The following WWOX variants were observed in gnomAD, a reference collection of about 807,000 sequenced individuals.
WWOX encodes WW domain containing oxidoreductase.
In WWOX, 69 loss-of-function variants were observed where a neutral mutation model predicts 46.2. The observed-to-expected ratio is 1.49, with a 90% CI of 1.23 to 1.82. The LOEUF (loss-of-function observed/expected upper bound fraction) is 1.82, where lower values mean the gene tolerates loss of function less well. Among genes scored for constraint, WWOX ranks in the 40% most tolerant of loss-of-function variants. The probability of loss-of-function intolerance (pLI) is 0.00; values close to 1 mark genes in which losing one functional copy is unlikely to be tolerated. For missense variants in WWOX, 919 were observed against 542.6 expected (o/e 1.69, Z -6.89); for synonymous variants, 359 against 202.6 (o/e 1.77, Z -6.56).
intron 8 of WWOX, among the ~76,000 whole-genome samples, chr16:78,460,036 G>C (rs1041228598): frequency 1.4e-5 from 2 of 147,566 alleles, no homozygotes; most frequent in Admixed American, 6.8e-5. Context: ...TGAACTCCTG[G>C]GCTCAAGCAA....
At chr16:78,657,564 C>G (rs1230334489) in intron 8 of WWOX, among the ~76,000 whole-genome samples, 3 of 152,176 alleles carry the variant, frequency 2.0e-5, no homozygotes, top group Non-Finnish European at 2.9e-5. Context: ...AGACGTGACC[C>G]TGGCCGGGAC....
chr16:78,113,538 G>A (rs1056781925), intron 3 of WWOX, among the ~76,000 whole-genome samples: 1 of 152,160 alleles, frequency 6.6e-6, no homozygotes, highest in Non-Finnish European at 1.5e-5. Context: ...CAAGGGCTTT[G>A]GGGGGAACCT....
intron 8 of WWOX, among the ~76,000 whole-genome samples, chr16:78,965,499 A>T (rs1567443886): frequency 6.6e-6 from 1 of 151,812 alleles, no homozygotes; most frequent in Non-Finnish European, 1.5e-5. Context: ...GAACCCGGAA[A>T]GTAGCGGTTG....
chr16:79,106,067 C>G lies in WWOX; in HGVS notation c.1057-105541C>G, dbSNP rs916115527. 4.6e-5 allele frequency: 7 copies of G among 152,112 alleles called. No individual in the cohort carries two copies. The East Asian group carries it at 1.4e-3, about 29-fold the overall frequency. 9.4% of individuals were successfully genotyped at this position (152,112 alleles called of 1,614,324 possible). The stretch of plus-strand genomic sequence containing the variant: ...ATGCTTTTCAGTAATAAGTTCGAAG[C>G]CAAGTTCCTGGATCAGCAGCATCAG... On this transcript the variant is annotated intron_variant, in intron 8 of 8. Transcript: ENST00000566780.
chr16:78,524,246 G>C (rs1029395253), intron 8 of WWOX, among the ~76,000 whole-genome samples: 3 of 152,110 alleles, frequency 2.0e-5, no homozygotes, highest in African/African-American at 7.2e-5. Context: ...GTCATGGTGT[G>C]ACTAATATTA....
intron 8 of WWOX, among the ~76,000 whole-genome samples, chr16:78,627,844 G>T (rs1298043138): frequency 6.6e-6 from 1 of 152,236 alleles, no homozygotes; most frequent in Non-Finnish European, 1.5e-5. Flanking sequence ...GACTTAGACA[G>T]TGTTAGTCAA....
At chr16:78,403,673 C>G (rs559751764) in intron 6 of WWOX, among the ~76,000 whole-genome samples, 2 of 152,326 alleles carry the variant, frequency 1.3e-5, no homozygotes, top group South Asian at 4.1e-4. Context: ...GTGCCAGGCC[C>G]TGGATGAGGC....
chr16:78,865,423 T>C (rs1395933861), intron 8 of WWOX, among the ~76,000 whole-genome samples: 2 of 152,210 alleles, frequency 1.3e-5, no homozygotes, highest in Non-Finnish European at 2.9e-5. Context: ...CAGTGGACTT[T>C]GATTCACATC....
At chr16:78,989,168 C>A (rs938745930) in intron 8 of WWOX, among the ~76,000 whole-genome samples, 1 of 152,022 alleles carries the variant, frequency 6.6e-6, no homozygotes, top group Non-Finnish European at 1.5e-5. Flanking sequence ...ATTGTATCTC[C>A]CCAGGGTTAG....
chr16:78,520,706 G>T (rs990002204), intron 8 of WWOX, among the ~76,000 whole-genome samples: 4 of 152,020 alleles, frequency 2.6e-5, no homozygotes, highest in African/African-American at 9.7e-5. Flanking sequence ...AGAGCTTCAT[G>T]AATCCCTGCA....
At chr16:78,384,928 G>C (rs1229008127) in intron 5 of WWOX, among the ~76,000 whole-genome samples, 1 of 152,084 alleles carries the variant, frequency 6.6e-6, no homozygotes, top group Non-Finnish European at 1.5e-5. Flanking sequence ...AAGGTCAAGA[G>C]ATTGAGACCA....
intron 5 of WWOX, among the ~76,000 whole-genome samples, chr16:78,365,659 G>T (rs148163626): frequency 6.6e-6 from 1 of 152,142 alleles, no homozygotes; most frequent in Non-Finnish European, 1.5e-5. Flanking sequence ...TACTGCTGTC[G>T]TTTAGATTAG....
chr16:79,069,520 A>C (rs1056143726), intron 8 of WWOX, among the ~76,000 whole-genome samples: 13 of 151,738 alleles, frequency 8.6e-5, no homozygotes, highest in Non-Finnish European at 1.8e-4. Context: ...ACCTATTGGC[A>C]GGAAAAGGGT....
chr16:78,278,687 T>A, intron 5 of WWOX: 1 of 1,583,152 alleles, frequency 6.3e-7, no homozygotes. Context: ...AGATCTTGAA[T>A]AGTCTCATCA....
intron 8 of WWOX, among the ~76,000 whole-genome samples, chr16:78,738,363 T>C (rs1459179412): frequency 2.0e-5 from 3 of 152,160 alleles, no homozygotes; most frequent in Non-Finnish European, 4.4e-5. Flanking sequence ...AAAATCAATA[T>C]TTATGTGTAA....
chr16:78,175,742 A>C (rs2035322389), intron 5 of WWOX, among the ~76,000 whole-genome samples: 1 of 152,180 alleles, frequency 6.6e-6, no homozygotes, highest in Non-Finnish European at 1.5e-5. Context: ...TTGACCCACA[A>C]AATATGGTAA....
chr16:78,911,493 T>C (rs923906939), intron 8 of WWOX, among the ~76,000 whole-genome samples: 11 of 151,952 alleles, frequency 7.2e-5, no homozygotes, highest in African/African-American at 2.2e-4. Context: ...GAAGGAGATA[T>C]AAGGAGAGAA....
intron 4 of WWOX, among the ~76,000 whole-genome samples, chr16:78,149,456 A>G (rs769582973): frequency 6.6e-6 from 1 of 152,238 alleles, no homozygotes; most frequent in Non-Finnish European, 1.5e-5. Context: ...ATGAAATATC[A>G]AGTAAAAGAG....
At chr16:78,922,258 G>T (rs900671626) in intron 8 of WWOX, among the ~76,000 whole-genome samples, 3 of 152,054 alleles carry the variant, frequency 2.0e-5, no homozygotes, top group Non-Finnish European at 4.4e-5. Context: ...GCAACCTAAG[G>T]TTACATGGGT....
Sources: allele counts gnomAD v4.1 joint callset (sites outside exome capture counted in the v4.1 genomes callset), GRCh38; gene constraint gnomAD v4.1.1; transcripts MANE v1.5; gene names NCBI Gene and HGNC (gene_info 2026-07-23, HGNC 2026-07-21).